DGAT2: variants seen among roughly 807,000 people sequenced by gnomAD.
DGAT2 encodes diacylglycerol O-acyltransferase 2.
In DGAT2, 33 loss-of-function variants were observed where a neutral mutation model predicts 48.4. The ratio of observed to expected loss-of-function variants is 0.68; its 90% CI spans 0.52 to 0.91. The LOEUF (loss-of-function observed/expected upper bound fraction) is 0.91. Among genes scored for constraint, DGAT2 ranks in the 40% least tolerant of loss-of-function variants. The probability of loss-of-function intolerance (pLI) is 0.00; values close to 1 mark genes in which losing one functional copy is unlikely to be tolerated. For synonymous variants in DGAT2, 191 were observed against 194.1 expected, an observed-to-expected ratio of 0.98 and a Z score of 0.13; for missense variants, 446 against 493.7, an observed-to-expected ratio of 0.90 and a Z score of 0.92.
chr11:75,796,727 G>A (rs1002118211), intron 5 of DGAT2, 195 bp downstream of exon 5: 12 of 607,162 alleles, frequency 2.0e-5, no homozygotes, highest in East Asian at 1.7e-4. Context: ...AATTCAACTC[G>A]GATAACATCT....
At chr11:75,782,494 C>T (rs1177432290) in intron 1 of DGAT2, among the ~76,000 whole-genome samples, 2 of 152,190 alleles carry the variant, frequency 1.3e-5, no homozygotes, top group African/African-American at 4.8e-5. Flanking sequence ...GGCCATGGCT[C>T]CTGCTTCACT....
intron 7 of DGAT2, among the ~76,000 whole-genome samples, chr11:75,799,451 G>T (rs1945088871): frequency 6.6e-6 from 1 of 152,132 alleles, no homozygotes; most frequent in South Asian, 2.1e-4. Context: ...CAGTGGAGAT[G>T]GAAGAGATGT....
At chr11:75,788,512 G>A (rs1944947247) in intron 2 of DGAT2, among the ~76,000 whole-genome samples, 7 of 152,262 alleles carry the variant, frequency 4.6e-5, no homozygotes, top group Non-Finnish European at 1.5e-5. Flanking sequence ...TAGCTACCCT[G>A]GGGAGAGGCT....
chr11:75,769,219 G>A (rs1944731903), intron 1 of DGAT2, 107 bp downstream of exon 1: 6 of 1,331,640 alleles, frequency 4.5e-6, no homozygotes, highest in South Asian at 3.6e-5. Flanking sequence ...CTCCACTGTG[G>A]CACTCATCAA....
chr11:75,787,852 G>A (rs1196937318), intron 2 of DGAT2, among the ~76,000 whole-genome samples: 1 of 152,220 alleles, frequency 6.6e-6, no homozygotes, highest in Non-Finnish European at 1.5e-5. Context: ...GGGATGGTGA[G>A]TGGTTTCAGA....
chr11:75,769,202 G>A (rs1181640890), intron 1 of DGAT2, 90 bp downstream of exon 1: 9 of 1,408,102 alleles, frequency 6.4e-6, no homozygotes, highest in Non-Finnish European at 8.4e-6. Flanking sequence ...ATGAGTCCAC[G>A]TTCATTCTCC....
intron 1 of DGAT2, among the ~76,000 whole-genome samples, chr11:75,777,714 G>A (rs1374430755): frequency 6.6e-6 from 1 of 152,184 alleles, no homozygotes; most frequent in Non-Finnish European, 1.5e-5. Flanking sequence ...CCAGTATGGA[G>A]GTGAGGTGGG....
chr11:75,772,794 C>T (rs1011361251), intron 1 of DGAT2, among the ~76,000 whole-genome samples: 12 of 152,088 alleles, frequency 7.9e-5, no homozygotes, highest in African/African-American at 2.9e-4. Flanking sequence ...TCGAGACCAG[C>T]CTGGCTGACA....
At chr11:75,772,008 A>G (rs1045927418) in intron 1 of DGAT2, among the ~76,000 whole-genome samples, 1 of 152,210 alleles carries the variant, frequency 6.6e-6, no homozygotes, top group African/African-American at 2.4e-5. Flanking sequence ...TCCCAGGGTT[A>G]TCAAAGCCAG....
rs1945099860 is a variant in DGAT2, at chr11:75,800,453, A to G, written c.1112A>G (p.Asp371Gly). The change falls in exon 8 of 8, where the codon GAC (aspartate) becomes GGC (glycine). Residue 371 changes from aspartate to glycine, a missense_variant. Physicochemically the swap from Asp to Gly is moderately conservative, Grantham distance 94. Coordinates refer to ENST00000228027, the MANE Select transcript of DGAT2 (RefSeq NM_032564.5). ...MYMEALVKLF[D>G]KHKTKFGLPE... Reference sequence around the variant, plus strand: ...ATGGAGGCCCTGGTGAAGCTCTTCGACAAGCACAAGACCAAGTTCGGCCTC... The same window carrying G: ...ATGGAGGCCCTGGTGAAGCTCTTCGGCAAGCACAAGACCAAGTTCGGCCTC... 1 of 1,614,056 alleles carries G rather than the reference A, an allele frequency of 6.2e-7. No individual in the cohort carries two copies. Among genetic ancestry groups the G allele is most frequent in the African/African-American group, 1.3e-5 (1 of 74,932 alleles).
chr11:75,790,268 G>A lies in DGAT2; in HGVS notation c.331G>A (p.Val111Met). The change falls in exon 3 of 8, where the codon GTG (valine) becomes ATG (methionine). Residue 111 changes from valine to methionine, a missense_variant. Val to Met is a conservative substitution (Grantham distance 21, BLOSUM62 1). Transcript: ENST00000228027. ...LIAVLYFTWLVFDWNTPKKGG... is the reference protein window; with the variant it reads ...LIAVLYFTWLMFDWNTPKKGG... ...CGCTGTGCTCTACTTCACTTGGCTG[G>A]TGTTTGACTGGAACACACCCAAGAA... The A allele has an allele frequency of 6.2e-7, 1 of 1,614,138 alleles. No homozygotes were observed. Among genetic ancestry groups the A allele is most frequent in the Non-Finnish European group, 8.5e-7 (1 of 1,180,012 alleles).
At chr11:75,800,055 A>C (rs1359216075) in intron 7 of DGAT2, among the ~76,000 whole-genome samples, 1 of 152,160 alleles carries the variant, frequency 6.6e-6, no homozygotes, top group Admixed American at 6.5e-5. Context: ...AAAAGCAAAG[A>C]TGTTTACTTG....
chr11:75,797,100 G>A (rs552317647), intron 5 of DGAT2, 58 bp from the exon 6 acceptor site: 18 of 1,417,974 alleles, frequency 1.3e-5, no homozygotes, highest in African/African-American at 4.4e-5. Flanking sequence ...ACTGTGTGCC[G>A]GGGATGGGGA....
intron 1 of DGAT2, among the ~76,000 whole-genome samples, chr11:75,779,105 A>G (rs940137072): frequency 6.6e-6 from 1 of 152,050 alleles, no homozygotes; most frequent in Non-Finnish European, 1.5e-5. Context: ...TCACTTTGAT[A>G]TCAGATATTG....
chr11:75,796,565 A>G, intron 5 of DGAT2, 33 bp downstream of exon 5: 1 of 1,600,718 alleles, frequency 6.2e-7, no homozygotes, highest in Non-Finnish European at 8.5e-7. Context: ...CCTGCTGGGC[A>G]CTGTTGTCAA....
chr11:75,773,083 A>G (rs923571003), intron 1 of DGAT2, among the ~76,000 whole-genome samples: 8 of 152,266 alleles, frequency 5.3e-5, no homozygotes, highest in African/African-American at 1.9e-4. Flanking sequence ...CATCTAGCAC[A>G]GTGCCTGGCA....
chr11:75,790,700 G>T lies in DGAT2; in HGVS notation c.398G>T (p.Trp133Leu). Residue 133 changes from tryptophan to leucine, a missense_variant, in exon 4 of 8, where the codon TGG (tryptophan) becomes TTG (leucine). Transcript: ENST00000228027. The stretch of plus-strand genomic sequence containing the variant: ...CAGTGGGTCCGAAACTGGGCTGTGT[G>T]GCGCTACTTTCGAGACTACTTTCCC... ...RSQWVRNWAVWRYFRDYFPIQ... is the reference protein window; with the variant it reads ...RSQWVRNWAVLRYFRDYFPIQ... 1 of 1,614,148 alleles carries T rather than the reference G, an allele frequency of 6.2e-7. No individual in the cohort carries two copies. The highest frequency in any genetic ancestry group is 8.5e-7 in the Non-Finnish European group (1 of 1,180,030).
At position 75,796,708 on chromosome 11, in the gene DGAT2, G is replaced by T. The variant is rs527948538; in HGVS notation, c.634+176G>T. The T allele has an allele frequency of 4.7e-5, 30 of 643,740 alleles. No homozygotes were observed. In the African/African-American group the frequency reaches 5.3e-4, roughly 11 times the overall value. The allele number at this position is 643,740 out of a possible 1,614,324, so 39.9% of individuals were successfully genotyped here. On this transcript the variant is annotated intron_variant, in intron 5 of 7. Transcript: ENST00000228027. ...GGCTGAGGAGGAGAGCTGTCCATAT[G>T]GTCTTGAGAATTCAACTCGGATAAC... is the stretch of plus-strand genomic sequence containing the variant.
intron 4 of DGAT2, chr11:75,792,305 A>C (rs942607286): frequency 3.3e-5 from 5 of 152,306 alleles, no homozygotes; most frequent in Non-Finnish European, 7.3e-5. Context: ...CTGGGGCACT[A>C]GGACAAAAGC....
Sources: gnomAD v4.1 joint callset for allele counts (sites outside exome capture counted in the v4.1 genomes callset) on GRCh38, gnomAD v4.1.1 for gene constraint, MANE v1.5 for transcripts, NCBI Gene and HGNC (gene_info 2026-07-23, HGNC 2026-07-21) for gene names.